DDX10: variants seen among roughly 807,000 people sequenced by gnomAD.
DDX10 encodes the protein probable ATP-dependent RNA helicase DDX10.
Under a neutral mutation model 104.3 loss-of-function variants are expected in DDX10, and 74 were observed. The observed-to-expected ratio is 0.71, with a 90% CI of 0.59 to 0.86. DDX10 has a LOEUF of 0.86. DDX10 is among the 40% of genes least tolerant of loss of function. DDX10 has a pLI of 0.00. For missense variants in DDX10, 952 were observed against 1,040.0 expected, an observed-to-expected ratio of 0.92 and a Z score of 1.16; for synonymous variants, 351 against 353.4, an observed-to-expected ratio of 0.99 and a Z score of 0.08.
intron 13 of DDX10, among the ~76,000 whole-genome samples, chr11:108,822,816 C>G (rs919224201): frequency 1.3e-5 from 2 of 152,230 alleles, no homozygotes; most frequent in Non-Finnish European, 1.5e-5. Context: ...TGAGGTCTCT[C>G]AGCATTGCTT....
At chr11:108,915,410 C>T (rs1290573558) in intron 16 of DDX10, among the ~76,000 whole-genome samples, 1 of 149,288 alleles carries the variant, frequency 6.7e-6, no homozygotes, top group Non-Finnish European at 1.5e-5. Flanking sequence ...CCACCAACAG[C>T]TTCCCAATAC....
intron 16 of DDX10, among the ~76,000 whole-genome samples, chr11:108,904,184 G>A (rs1863558363): frequency 6.6e-6 from 1 of 152,086 alleles, no homozygotes; most frequent in African/African-American, 2.4e-5. Context: ...TTCTATTAGA[G>A]CAGGGAGTCA....
At chr11:108,887,686 G>A (rs572907540) in intron 16 of DDX10, among the ~76,000 whole-genome samples, 2 of 152,038 alleles carry the variant, frequency 1.3e-5, no homozygotes, top group South Asian at 2.1e-4. Context: ...AGGCCAAGGC[G>A]GGTGGTTCAC....
intron 13 of DDX10, among the ~76,000 whole-genome samples, chr11:108,825,600 G>T (rs1007274692): frequency 2.0e-5 from 3 of 152,172 alleles, no homozygotes; most frequent in Non-Finnish European, 4.4e-5. Context: ...AAACAAGCAA[G>T]ACATAATCAT....
chr11:108,852,231 T>G, intron 16 of DDX10, 22 bp downstream of exon 16: 1 of 1,594,866 alleles, frequency 6.3e-7, no homozygotes, highest in East Asian at 2.2e-5. Flanking sequence ...TATACATTTA[T>G]TTTTCCAAGC....
intron 12 of DDX10, among the ~76,000 whole-genome samples, chr11:108,722,309 C>T (rs2094299277): frequency 6.6e-6 from 1 of 152,132 alleles, no homozygotes; most frequent in Non-Finnish European, 1.5e-5. Flanking sequence ...TTTTATTTCC[C>T]TTCGATCATT....
At chr11:108,668,159 T>C (rs1163242891) in intron 1 of DDX10, among the ~76,000 whole-genome samples, 2 of 152,262 alleles carry the variant, frequency 1.3e-5, no homozygotes, top group African/African-American at 4.8e-5. Context: ...CATGCTGGCT[T>C]TCCGTATACT....
intron 13 of DDX10, among the ~76,000 whole-genome samples, chr11:108,828,624 T>G (rs770783448): frequency 3.3e-5 from 5 of 152,176 alleles, no homozygotes; most frequent in Non-Finnish European, 7.4e-5. Context: ...TGGGTCTTAA[T>G]TTTAAGACTA....
intron 16 of DDX10, among the ~76,000 whole-genome samples, chr11:108,871,717 A>AG (rs1286061672): frequency 6.6e-6 from 1 of 152,030 alleles, no homozygotes; most frequent in Non-Finnish European, 1.5e-5. Context: ...CACCTGAGGT[A>AG]GGGGGTTCTG....
At chr11:108,923,898 G>T (rs1863874063) in intron 17 of DDX10, among the ~76,000 whole-genome samples, 1 of 152,168 alleles carries the variant, frequency 6.6e-6, no homozygotes, top group Non-Finnish European at 1.5e-5. Context: ...AAAAAGCGTG[G>T]CTTCTAAAGT....
At chr11:108,770,105 T>C (rs74485258) in intron 13 of DDX10, among the ~76,000 whole-genome samples, 1,755 of 152,280 alleles carry the variant, frequency 0.012, 39 homozygotes, top group African/African-American at 0.04. Context: ...CACAGATTGG[T>C]AGTGGGAAAA....
chr11:108,810,579 G>T (rs1195627351), intron 13 of DDX10, among the ~76,000 whole-genome samples: 9 of 152,186 alleles, frequency 5.9e-5, no homozygotes, highest in African/African-American at 2.2e-4. Flanking sequence ...CCTACTGATT[G>T]GGTTCACATT....
At chr11:108,937,460 C>A (rs1363719447) in intron 17 of DDX10, among the ~76,000 whole-genome samples, 1 of 152,172 alleles carries the variant, frequency 6.6e-6, no homozygotes, top group African/African-American at 2.4e-5. Context: ...ATTTAAAACT[C>A]AATTACAAAT....
intron 13 of DDX10, among the ~76,000 whole-genome samples, chr11:108,804,440 G>A (rs765823557): frequency 3.3e-4 from 45 of 137,824 alleles, no homozygotes; most frequent in Admixed American, 1.6e-3. Flanking sequence ...GGTTGAGGCT[G>A]CATTGAGCCG....
At chr11:108,897,454 T>G (rs1863456317) in intron 16 of DDX10, among the ~76,000 whole-genome samples, 1 of 152,192 alleles carries the variant, frequency 6.6e-6, no homozygotes, top group Non-Finnish European at 1.5e-5. Context: ...TCAAACCCAT[T>G]TTAAAAATAA....
At chr11:108,785,249 A>G (rs1861774515) in intron 13 of DDX10, among the ~76,000 whole-genome samples, 1 of 152,202 alleles carries the variant, frequency 6.6e-6, no homozygotes, top group South Asian at 2.1e-4. Context: ...TGTATGTTCA[A>G]CCAACCTTAC....
chr11:108,853,727 G>A (rs1862826912), intron 16 of DDX10, among the ~76,000 whole-genome samples: 1 of 152,232 alleles, frequency 6.6e-6, no homozygotes, highest in South Asian at 2.1e-4. Context: ...GTTGATCTCT[G>A]AAGTGAACTC....
intron 6 of DDX10, 126 bp from the exon 7 acceptor site, chr11:108,688,810 G>T (rs1186203195): frequency 3.2e-6 from 3 of 932,630 alleles, no homozygotes; most frequent in African/African-American, 3.3e-5. Context: ...TTCTTTTTTT[G>T]GTGTATGTGT....
chr11:108,751,405 A>G (rs2094338549), intron 13 of DDX10, among the ~76,000 whole-genome samples: 1 of 152,280 alleles, frequency 6.6e-6, no homozygotes. Context: ...ATGAGTTTGG[A>G]ATCAAAGACT....
Sources: allele counts gnomAD v4.1 joint callset (sites outside exome capture counted in the v4.1 genomes callset), GRCh38; gene constraint gnomAD v4.1.1; transcripts MANE v1.5; gene names NCBI Gene and HGNC (gene_info 2026-07-23, HGNC 2026-07-21).